Variants in DLG2 observed in about 807,000 individuals in gnomAD.
DLG2 encodes disks large homolog 2.
In DLG2, 45 loss-of-function variants were observed where a neutral mutation model predicts 132.5. The observed-to-expected ratio is 0.34, with a 90% CI of 0.27 to 0.44. The LOEUF (loss-of-function observed/expected upper bound fraction) is 0.44. DLG2 is among the 20% of genes least tolerant of loss of function. The pLI is 1.00. For synonymous variants in DLG2, 424 were observed against 419.6 expected (o/e 1.01, Z -0.13); for missense variants, 1,045 against 1,196.9 (o/e 0.87, Z 1.87).
chr11:85,470,663 A>G (rs2092957150), intron 3 of DLG2, among the ~76,000 whole-genome samples: 1 of 152,038 alleles, frequency 6.6e-6, no homozygotes, highest in East Asian at 1.9e-4. Flanking sequence ...GGGAAACGGA[A>G]GTTGCAGTGA....
At chr11:84,816,272 C>A (rs1027014147) in intron 6 of DLG2, among the ~76,000 whole-genome samples, 3 of 151,972 alleles carry the variant, frequency 2.0e-5, no homozygotes, top group African/African-American at 4.8e-5. Context: ...AGAAAAGAAA[C>A]AACTGGTACC....
rs1413341094 is a variant in DLG2 at position 85,331,570 on chromosome 11, A to G, written c.41-46205T>C. 2.0e-5 allele frequency among the ~76,000 whole-genome samples: 3 copies of G among 152,276 alleles called. No homozygotes were observed. In the South Asian group the frequency reaches 6.2e-4, roughly 32 times the overall value. On this transcript the variant is annotated intron_variant, in intron 3 of 27. Coordinates refer to ENST00000376104, the MANE Select transcript of DLG2 (RefSeq NM_001142699.3). ...GTACAAATAATTTTATTATCTAGGT[A>G]GTAAGCATAGTGCCTGATAGGTAGT...
chr11:85,484,351 G>A (rs923275373), intron 3 of DLG2, among the ~76,000 whole-genome samples: 1,531 of 149,808 alleles, frequency 0.01, 25 homozygotes, highest in African/African-American at 0.036. Flanking sequence ...ATTGACAAAT[G>A]GGATCTAATT....
intron 6 of DLG2, among the ~76,000 whole-genome samples, chr11:84,733,588 G>T (rs1299944519): frequency 6.6e-6 from 1 of 152,152 alleles, no homozygotes; most frequent in African/African-American, 2.4e-5. Context: ...TCTGTAGGTT[G>T]CCTGTTCACT....
At chr11:84,458,829 G>T (rs1418859675) in intron 7 of DLG2, among the ~76,000 whole-genome samples, 3 of 150,380 alleles carry the variant, frequency 2.0e-5, no homozygotes, top group Admixed American at 6.7e-5. Flanking sequence ...AATTAAGTTG[G>T]TATTTAATTA....
At chr11:84,950,591 A>G (rs995172416) in intron 6 of DLG2, among the ~76,000 whole-genome samples, 1 of 152,188 alleles carries the variant, frequency 6.6e-6, no homozygotes. Flanking sequence ...TGTTTGTTCC[A>G]GACACTATAG....
At chr11:85,107,067 T>A (rs527312466) in intron 6 of DLG2, among the ~76,000 whole-genome samples, 127 of 152,172 alleles carry the variant, frequency 8.3e-4, no homozygotes, top group Non-Finnish European at 1.3e-3. Flanking sequence ...AGTTGACATA[T>A]TCAGAATTCA....
In DLG2 at chr11:84,928,078, T is replaced by A. The variant is rs959383943; in HGVS notation, c.357+183583A>T. On this transcript the variant is annotated intron_variant, in intron 6 of 27. Transcript: ENST00000376104. Reference sequence around the variant, plus strand: ...CAACTCCAGAGCACAGGTATAAAAATTAACTTTATAGAAGAGGAAAGTATA... The same window carrying A: ...CAACTCCAGAGCACAGGTATAAAAAATAACTTTATAGAAGAGGAAAGTATA... Among the ~76,000 whole-genome samples the A allele has an allele frequency of 5.9e-5, 9 of 151,880 alleles. No homozygotes were observed. The East Asian group carries it at 1.7e-3, about 29-fold the overall frequency.
intron 4 of DLG2, among the ~76,000 whole-genome samples, chr11:85,167,400 G>T (rs1462188136): frequency 6.6e-6 from 1 of 152,108 alleles, no homozygotes; most frequent in African/African-American, 2.4e-5. Flanking sequence ...TTTAGGTGGG[G>T]TTCAGAACAT....
intron 6 of DLG2, among the ~76,000 whole-genome samples, chr11:85,071,964 C>A (rs942419723): frequency 6.6e-6 from 1 of 151,832 alleles, no homozygotes. Context: ...CTTCTTCATA[C>A]AATTCAGTCC....
At chr11:84,776,460 A>T (rs2070513508) in intron 6 of DLG2, among the ~76,000 whole-genome samples, 2 of 152,148 alleles carry the variant, frequency 1.3e-5, no homozygotes, top group African/African-American at 2.4e-5. Flanking sequence ...CTGGCCTGTG[A>T]TGTTTGATTA....
rs1273950623 is a variant in DLG2 at position 84,502,249 on chromosome 11, T to TTC, written c.519+32320_519+32321insGA. Reference sequence around the variant, plus strand: ...TTCCTTCCTTCCTTCCTTCCTTCCTTCCTTCCTTCCTTCCTTCCTTCCTTC... The same window carrying TTC: ...TTCCTTCCTTCCTTCCTTCCTTCCTTTCCCTTCCTTCCTTCCTTCCTTCCTTC... On this transcript the variant is annotated intron_variant, in intron 7 of 27. Transcript: ENST00000376104. 1.9e-4 allele frequency among the ~76,000 whole-genome samples: 9 copies of TTC among 48,432 alleles called. No homozygotes were observed. In the African/African-American group the frequency reaches 2.2e-3, roughly 12 times the overall value. The allele number at this position is 48,432 out of a possible 152,430, so 31.8% of individuals were successfully genotyped here.
intron 6 of DLG2, among the ~76,000 whole-genome samples, chr11:85,110,007 C>G (rs2072445168): frequency 6.6e-6 from 1 of 151,930 alleles, no homozygotes; most frequent in Non-Finnish European, 1.5e-5. Context: ...CATATTGAAA[C>G]TTAACTCCCA....
chr11:84,650,873 G>GTATATATA (rs71274437), intron 6 of DLG2, among the ~76,000 whole-genome samples: 99 of 123,982 alleles, frequency 8.0e-4, no homozygotes, highest in Non-Finnish European at 1.3e-3. Context: ...GTGTGTGTGT[G>GTATATATA]TATATATATA....
At chr11:84,206,004 T>C (rs2096660499) in intron 8 of DLG2, among the ~76,000 whole-genome samples, 3 of 152,058 alleles carry the variant, frequency 2.0e-5, no homozygotes, top group Non-Finnish European at 2.9e-5. Flanking sequence ...AGAACATCAT[T>C]ACGAGTCTTA....
chr11:83,557,101 G>C (rs2096534296), intron 19 of DLG2, among the ~76,000 whole-genome samples: 1 of 152,172 alleles, frequency 6.6e-6, no homozygotes, highest in African/African-American at 2.4e-5. Context: ...CTGGGTCCCA[G>C]TATTTCTTAG....
At chr11:83,963,969 C>A (rs1188310313) in intron 13 of DLG2, among the ~76,000 whole-genome samples, 4 of 151,922 alleles carry the variant, frequency 2.6e-5, no homozygotes, top group Non-Finnish European at 2.9e-5. Context: ...CATTTATATT[C>A]ACCTCTCCCA....
chr11:83,683,086 G>T (rs1292429878), intron 18 of DLG2, among the ~76,000 whole-genome samples: 1 of 152,142 alleles, frequency 6.6e-6, no homozygotes, highest in Non-Finnish European at 1.5e-5. Context: ...TAATAGGCAG[G>T]CTTCATGGGG....
chr11:84,636,436 C>T (rs1340739590), intron 6 of DLG2, among the ~76,000 whole-genome samples: 2 of 152,178 alleles, frequency 1.3e-5, no homozygotes, highest in Non-Finnish European at 2.9e-5. Context: ...TATTCAACTA[C>T]TAGTGGTCTG....
Sources: gnomAD v4.1 joint callset for allele counts (sites outside exome capture counted in the v4.1 genomes callset) on GRCh38, gnomAD v4.1.1 for gene constraint, MANE v1.5 for transcripts, NCBI Gene and HGNC (gene_info 2026-07-23, HGNC 2026-07-21) for gene names.